Variants in LSAMP observed in about 807,000 individuals in gnomAD.
LSAMP encodes the protein limbic system-associated membrane protein.
In LSAMP, 7 loss-of-function variants were observed where a neutral mutation model predicts 38.6. The ratio of observed to expected loss-of-function variants is 0.18; its 90% CI spans 0.10 to 0.34. LSAMP has a LOEUF of 0.34. Ranked by LOEUF, LSAMP falls within the 10% of genes least tolerant of loss-of-function variation. The pLI, the probability that LSAMP is intolerant of heterozygous loss-of-function variation, is 1.00. For synonymous variants in LSAMP, 154 were observed against 166.8 expected, an observed-to-expected ratio of 0.92 and a Z score of 0.59; for missense variants, 313 against 420.0, an observed-to-expected ratio of 0.75 and a Z score of 2.23.
chr3:115,837,575 G>A (rs762318168), intron 6 of LSAMP, among the ~76,000 whole-genome samples: 2 of 152,136 alleles, frequency 1.3e-5, no homozygotes, highest in African/African-American at 2.4e-5. Flanking sequence ...GAAAATGGAA[G>A]TGGGAGGCAA....
At chr3:116,387,515 A>G (rs1435869890) in intron 1 of LSAMP, among the ~76,000 whole-genome samples, 2 of 152,168 alleles carry the variant, frequency 1.3e-5, no homozygotes, top group African/African-American at 4.8e-5. Flanking sequence ...CTATGTATCA[A>G]TAAAAAACTA....
chr3:116,003,993 A>G (rs1940076147), intron 3 of LSAMP, among the ~76,000 whole-genome samples: 2 of 152,200 alleles, frequency 1.3e-5, no homozygotes, highest in Admixed American at 1.3e-4. Context: ...TAGTTAGTTG[A>G]TGGTGCAGAT....
chr3:115,920,007 C>G (rs1158742096), intron 3 of LSAMP, among the ~76,000 whole-genome samples: 1 of 144,372 alleles, frequency 6.9e-6, no homozygotes, highest in Non-Finnish European at 1.5e-5. Context: ...CTCCAACCAT[C>G]TTGTAACTTA....
chr3:115,974,823 C>T lies in LSAMP; in HGVS notation c.514+44692G>A, dbSNP rs189443895. Among the ~76,000 whole-genome samples the T allele has an allele frequency of 2.1e-4, 32 of 152,088 alleles. No homozygotes were observed. In the East Asian group the frequency reaches 5.6e-3, roughly 27 times the overall value. The stretch of plus-strand genomic sequence containing the variant: ...CTGTTTAGCCCTTAAGATAAAAAGT[C>T]TAATGGTGGTTAAGGAGGGAGGTGG... On this transcript the variant is annotated intron_variant, in intron 3 of 6. Transcript: ENST00000490035.
At chr3:116,039,189 G>A (rs1310205824) in intron 2 of LSAMP, among the ~76,000 whole-genome samples, 1 of 152,206 alleles carries the variant, frequency 6.6e-6, no homozygotes, top group Non-Finnish European at 1.5e-5. Flanking sequence ...TTTTGGAAAT[G>A]ATTGAATTGA....
At chr3:116,355,413 C>A (rs2048209695) in intron 1 of LSAMP, among the ~76,000 whole-genome samples, 3 of 152,180 alleles carry the variant, frequency 2.0e-5, no homozygotes, top group African/African-American at 7.2e-5. Context: ...TGACACCTGT[C>A]TCTCACCATA....
chr3:116,115,061 CACTT>C (rs1001058608), intron 1 of LSAMP, among the ~76,000 whole-genome samples: 3 of 152,270 alleles, frequency 2.0e-5, no homozygotes, highest in Admixed American at 6.5e-5. Context: ...TTTTTGGAAA[CACTT>C]AAAATGGAAT....
intron 1 of LSAMP, among the ~76,000 whole-genome samples, chr3:116,232,504 G>A (rs750530661): frequency 2.0e-5 from 3 of 152,040 alleles, no homozygotes; most frequent in East Asian, 1.9e-4. Context: ...ATTCAGTATC[G>A]AGATAGAAAG....
At chr3:116,115,927 C>T (rs1012136689) in intron 1 of LSAMP, among the ~76,000 whole-genome samples, 11 of 151,944 alleles carry the variant, frequency 7.2e-5, no homozygotes, top group African/African-American at 1.9e-4. Context: ...GTCCGTAGGG[C>T]GGCTTCCACC....
intron 3 of LSAMP, among the ~76,000 whole-genome samples, chr3:115,942,654 A>T (rs1937962012): frequency 6.6e-6 from 1 of 152,162 alleles, no homozygotes; most frequent in African/African-American, 2.4e-5. Context: ...GATATCTCTG[A>T]TGTGCTAATG....
At chr3:116,432,568 A>AT (rs141190308) in intron 1 of LSAMP, among the ~76,000 whole-genome samples, 3 of 151,978 alleles carry the variant, frequency 2.0e-5, no homozygotes, top group South Asian at 2.1e-4. Flanking sequence ...ATAATTTAGG[A>AT]TTTTTTAAAA....
chr3:115,870,655 G>C (rs1936007056), intron 3 of LSAMP, among the ~76,000 whole-genome samples: 2 of 152,158 alleles, frequency 1.3e-5, no homozygotes, highest in Non-Finnish European at 2.9e-5. Flanking sequence ...GCTTCACCAA[G>C]GTGGCCCAAC....
At chr3:116,321,437 C>G (rs9823782) in intron 1 of LSAMP, among the ~76,000 whole-genome samples, 78,316 of 151,984 alleles carry the variant, frequency 0.52, 23,185 homozygotes, top group East Asian at 0.82. Flanking sequence ...ATAATCATTA[C>G]CGGATATTCA....
intron 1 of LSAMP, among the ~76,000 whole-genome samples, chr3:116,218,052 A>G (rs1378363558): frequency 6.6e-6 from 1 of 152,216 alleles, no homozygotes; most frequent in Non-Finnish European, 1.5e-5. Context: ...TGATACCGAA[A>G]AAAATGGGCG....
chr3:116,427,182 G>A (rs1007010198), intron 1 of LSAMP, among the ~76,000 whole-genome samples: 1 of 138,178 alleles, frequency 7.2e-6, no homozygotes, highest in African/African-American at 2.7e-5. Flanking sequence ...CTGCAGTGGC[G>A]CAATCTCGGC....
chr3:116,045,397 A>G (rs1349179640), intron 2 of LSAMP, among the ~76,000 whole-genome samples: 1 of 152,190 alleles, frequency 6.6e-6, no homozygotes, highest in Non-Finnish European at 1.5e-5. Flanking sequence ...GGCAGGAAAC[A>G]AGTAGGGAAT....
intron 1 of LSAMP, among the ~76,000 whole-genome samples, chr3:116,307,518 C>G (rs9852860): frequency 0.16 from 24,940 of 151,780 alleles, 2,300 homozygotes; most frequent in Admixed American, 0.2. Context: ...TCTGACTGCT[C>G]TTATTCTTGG....
At chr3:116,203,282 T>C (rs2046014653) in intron 1 of LSAMP, among the ~76,000 whole-genome samples, 2 of 152,300 alleles carry the variant, frequency 1.3e-5, no homozygotes, top group Admixed American at 1.3e-4. Context: ...GTCAAGAAGT[T>C]CCCTTCAATT....
intron 1 of LSAMP, among the ~76,000 whole-genome samples, chr3:116,386,103 T>C (rs1576181763): frequency 6.6e-6 from 1 of 152,058 alleles, no homozygotes; most frequent in Non-Finnish European, 1.5e-5. Context: ...ATCACATGAA[T>C]AGTAAAGCAG....
Sources: allele counts gnomAD v4.1 joint callset (sites outside exome capture counted in the v4.1 genomes callset), GRCh38; gene constraint gnomAD v4.1.1; transcripts MANE v1.5; gene names NCBI Gene and HGNC (gene_info 2026-07-23, HGNC 2026-07-21).